WDPCP: variants seen among roughly 807,000 people sequenced by gnomAD.
WDPCP encodes the protein WD repeat-containing and planar cell polarity effector protein fritz homolog.
Under a neutral mutation model 93.1 loss-of-function variants are expected in WDPCP, and 71 were observed. That is an observed-to-expected ratio of 0.76 (90% confidence interval 0.63 to 0.93). WDPCP has a LOEUF of 0.93. Ranked by LOEUF, WDPCP falls within the 40% of genes least tolerant of loss-of-function variation. WDPCP has a pLI of 0.00. For missense variants in WDPCP, 844 were observed against 887.4 expected (o/e 0.95, Z 0.62); for synonymous variants, 315 against 315.0 (o/e 1.00, Z 0.00).
chr2:63,626,731 A>G (rs1709814822), intron 3 of WDPCP, among the ~76,000 whole-genome samples: 1 of 152,214 alleles, frequency 6.6e-6, no homozygotes, highest in Non-Finnish European at 1.5e-5. Context: ...GTTGGTGGGA[A>G]TGTAAATTAG....
rs1051405884 is a variant in WDPCP at position 63,622,862 on chromosome 2, G to A, written n.488+27797C>T. 5.2e-5 allele frequency: 82 copies of A among 1,564,480 alleles called. No homozygotes were observed. In the Middle Eastern group the frequency reaches 1.2e-3, roughly 24 times the overall value. ...TGGCCGAAGTGGGCTCAGCACCCGC[G>A]CAGCATCAGGGGTGCGGAGCCTGGG... On this transcript the variant is annotated intron_variant and non_coding_transcript_variant, in intron 3 of 4. Coordinates refer to the WDPCP transcript ENST00000467687.
intron 12 of WDPCP, among the ~76,000 whole-genome samples, chr2:63,332,405 G>C (rs1441818249): frequency 6.6e-6 from 1 of 151,972 alleles, no homozygotes; most frequent in Non-Finnish European, 1.5e-5. Context: ...ACTTGGTATT[G>C]TCTTTTAAAT....
chr2:63,527,619 T>C (rs1030418710), intron 1 of WDPCP, among the ~76,000 whole-genome samples: 3 of 152,044 alleles, frequency 2.0e-5, no homozygotes, highest in African/African-American at 7.3e-5. Flanking sequence ...CAGTCTATCA[T>C]TGATGGACAT....
intron 2 of WDPCP, among the ~76,000 whole-genome samples, chr2:63,680,934 C>T (rs1345188480): frequency 6.6e-6 from 1 of 152,004 alleles, no homozygotes; most frequent in Non-Finnish European, 1.5e-5. Flanking sequence ...TCTAGACACA[C>T]ACTGGGCCAG....
intron 7 of WDPCP, among the ~76,000 whole-genome samples, 170 bp downstream of exon 7, chr2:63,439,587 A>G (rs1034527433): frequency 6.6e-6 from 1 of 152,138 alleles, no homozygotes; most frequent in African/African-American, 2.4e-5. Context: ...TTGATATTAA[A>G]TATTAGTCGA....
chr2:63,250,504 A>ATGAT (rs1230117144), intron 14 of WDPCP, among the ~76,000 whole-genome samples: 1 of 152,162 alleles, frequency 6.6e-6, no homozygotes, highest in African/African-American at 2.4e-5. Flanking sequence ...CCTCAATTGA[A>ATGAT]TGATTATTAC....
intron 9 of WDPCP, among the ~76,000 whole-genome samples, chr2:63,425,454 T>C (rs1696205006): frequency 6.6e-6 from 1 of 152,092 alleles, no homozygotes; most frequent in Non-Finnish European, 1.5e-5. Flanking sequence ...AGCAGAAAGT[T>C]GAAACCCAAT....
chr2:63,822,691 G>A (rs915081404), intron 1 of WDPCP, among the ~76,000 whole-genome samples: 4 of 151,840 alleles, frequency 2.6e-5, no homozygotes, highest in Admixed American at 6.6e-5. Context: ...TTTGTGACCC[G>A]CCTGGGCAAC....
In WDPCP at chr2:63,575,489, A is replaced by ATACAGTATATACAGCGTATGCGCT. The variant is rs1257278044; in HGVS notation, c.75+12707_75+12708insAGCGCATACGCTGTATATACTGTA. On this transcript the variant is annotated intron_variant, in intron 1 of 17. Transcript: ENST00000272321. ...TATGCAGTATATACAGTGTATATAT[A>ATACAGTATATACAGCGTATGCGCT]GTATATACAGTATATACACTGTATA... Among the ~76,000 whole-genome samples the ATACAGTATATACAGCGTATGCGCT allele has an allele frequency of 1.2e-4, 2 of 17,288 alleles. 1 individual carries two copies. The highest frequency in any genetic ancestry group is 3.3e-4 in the African/African-American group (2 of 6,028). 11.3% of individuals were successfully genotyped at this position (17,288 alleles called of 152,430 possible).
chr2:63,400,246 A>C (rs1165989931), intron 10 of WDPCP, among the ~76,000 whole-genome samples: 1 of 152,228 alleles, frequency 6.6e-6, no homozygotes. Flanking sequence ...TCATAATAAC[A>C]TTTTATTTTA....
At chr2:63,343,167 T>C (rs999952144) in intron 12 of WDPCP, among the ~76,000 whole-genome samples, 5 of 152,018 alleles carry the variant, frequency 3.3e-5, no homozygotes, top group Non-Finnish European at 5.9e-5. Flanking sequence ...CATCTGGCTT[T>C]TTTTCTTTTT....
intron 2 of WDPCP, among the ~76,000 whole-genome samples, chr2:63,741,555 AT>A (rs1449528184): frequency 2.0e-5 from 3 of 151,538 alleles, no homozygotes; most frequent in African/African-American, 7.3e-5. Context: ...TGCATCTTAA[AT>A]TTTTTTGGTT....
At chr2:63,406,996 T>G (rs1558588547) in intron 9 of WDPCP, among the ~76,000 whole-genome samples, 1 of 152,088 alleles carries the variant, frequency 6.6e-6, no homozygotes, top group Non-Finnish European at 1.5e-5. Flanking sequence ...TGCCGTTATT[T>G]GGGGGTAGCA....
At chr2:63,699,283 G>A (rs1227208001) in intron 2 of WDPCP, among the ~76,000 whole-genome samples, 1 of 152,196 alleles carries the variant, frequency 6.6e-6, no homozygotes, top group Non-Finnish European at 1.5e-5. Context: ...TTCTGTAATG[G>A]TAGTACTTCA....
intron 17 of WDPCP, among the ~76,000 whole-genome samples, chr2:63,127,354 A>C (rs931059573): frequency 6.6e-6 from 1 of 151,684 alleles, no homozygotes. Flanking sequence ...TGATCTCCTG[A>C]CCTCGTGATC....
rs141373490 is a variant in WDPCP at position 63,676,301 on chromosome 2, G to A, written n.309-25463C>T. 1.6e-4 allele frequency among the ~76,000 whole-genome samples: 25 copies of A among 152,314 alleles called. No homozygotes were observed. In the East Asian group the frequency reaches 4.6e-3, roughly 28 times the overall value. The stretch of plus-strand genomic sequence containing the variant: ...GAAAGTGAAAGGTATCTAAGTGCAT[G>A]AGAAGTTGAGCAGAACTTTTGGCAA... On this transcript the variant is annotated intron_variant and non_coding_transcript_variant, in intron 2 of 4. Coordinates refer to the WDPCP transcript ENST00000467687.
At chr2:63,160,107 T>C (rs570682655) in intron 15 of WDPCP, among the ~76,000 whole-genome samples, 7 of 152,278 alleles carry the variant, frequency 4.6e-5, no homozygotes, top group African/African-American at 1.7e-4. Context: ...TCTGTATTAT[T>C]TACTTTTCAG....
intron 9 of WDPCP, 37 bp downstream of exon 9, chr2:63,433,708 C>G: frequency 2.0e-6 from 3 of 1,515,572 alleles, no homozygotes; most frequent in South Asian, 2.4e-5. Context: ...ATTTTATTTA[C>G]ACTTTATTAA....
intron 2 of WDPCP, chr2:63,717,447 C>T: frequency 2.6e-6 from 1 of 386,870 alleles, no homozygotes; most frequent in Non-Finnish European, 5.0e-6. Context: ...CTGCCCAAAA[C>T]TAAAGGTGGG....
Sources: gnomAD v4.1 joint callset for allele counts (sites outside exome capture counted in the v4.1 genomes callset) on GRCh38, gnomAD v4.1.1 for gene constraint, MANE v1.5 for transcripts, NCBI Gene and HGNC (gene_info 2026-07-23, HGNC 2026-07-21) for gene names.